The following SLCO5A1 variants were observed in gnomAD, a reference collection of about 807,000 sequenced individuals.
The protein encoded by SLCO5A1 is organic anion transporter polypeptide-related protein 4.
A neutral mutation model predicts 65.1 loss-of-function variants in SLCO5A1; 39 were observed. The ratio of observed to expected loss-of-function variants is 0.60; its 90% CI spans 0.46 to 0.78. The LOEUF (loss-of-function observed/expected upper bound fraction) is 0.78, where lower values mean the gene tolerates loss of function less well. Ranked by LOEUF, SLCO5A1 falls within the 30% of genes least tolerant of loss-of-function variation. The probability of loss-of-function intolerance (pLI) is 0.00; values close to 1 mark genes in which losing one functional copy is unlikely to be tolerated. For synonymous variants in SLCO5A1, 438 were observed against 415.7 expected (o/e 1.05, Z -0.65); for missense variants, 1,029 against 1,069.4 (o/e 0.96, Z 0.53).
At chr8:69,797,877 G>A (rs915387888) in intron 2 of SLCO5A1, among the ~76,000 whole-genome samples, 8 of 152,126 alleles carry the variant, frequency 5.3e-5, no homozygotes, top group Non-Finnish European at 1.2e-4. Flanking sequence ...CATTTGCCTT[G>A]TGATATCTTA....
chr8:69,734,575 C>A (rs772679082), intron 5 of SLCO5A1, among the ~76,000 whole-genome samples: 18 of 152,172 alleles, frequency 1.2e-4, no homozygotes, highest in Non-Finnish European at 2.4e-4. Context: ...ATTTCCCCAG[C>A]CACACACCAG....
intron 3 of SLCO5A1, among the ~76,000 whole-genome samples, chr8:69,758,242 A>AGT (rs1239766264): frequency 6.6e-6 from 1 of 152,096 alleles, no homozygotes; most frequent in Non-Finnish European, 1.5e-5. Context: ...GCTGGAGTGC[A>AGT]GTGGCACGAT....
chr8:69,759,838 G>A (rs1375304803), intron 3 of SLCO5A1, among the ~76,000 whole-genome samples: 2 of 152,078 alleles, frequency 1.3e-5, no homozygotes, highest in Non-Finnish European at 2.9e-5. Context: ...AGTAGAGATG[G>A]AGGCTCGCCA....
At chr8:69,694,080 C>A (rs1814389741) in intron 6 of SLCO5A1, among the ~76,000 whole-genome samples, 1 of 152,176 alleles carries the variant, frequency 6.6e-6, no homozygotes, top group African/African-American at 2.4e-5. Flanking sequence ...GAAAGCCATG[C>A]AGTATTGAGA....
intron 2 of SLCO5A1, among the ~76,000 whole-genome samples, chr8:69,815,940 G>A (rs1216528047): frequency 6.6e-6 from 1 of 152,134 alleles, no homozygotes; most frequent in Non-Finnish European, 1.5e-5. Context: ...GTAGCAATGA[G>A]TAACACACAG....
Position 69,687,485 on chromosome 8 carries a change from C to G in SLCO5A1, c.1623-5142G>C, listed in dbSNP as rs16936301. ...AACTTGAAACTTACATGTAATAACC[C>G]ACAATATGTACAAACTATCTCTTTA... On this transcript the variant is annotated intron_variant, in intron 6 of 9. Coordinates refer to ENST00000260126, the MANE Select transcript of SLCO5A1 (RefSeq NM_030958.3). 0.018 allele frequency among the ~76,000 whole-genome samples: 2,767 copies of G among 152,200 alleles called. 142 individuals are homozygous for G. In the East Asian group the frequency reaches 0.19, roughly 10 times the overall value.
intron 2 of SLCO5A1, among the ~76,000 whole-genome samples, chr8:69,776,525 A>G (rs1033454698): frequency 1.3e-5 from 2 of 152,124 alleles, no homozygotes; most frequent in African/African-American, 2.4e-5. Context: ...ACCCATCTCT[A>G]CAAAAAATAC....
intron 2 of SLCO5A1, among the ~76,000 whole-genome samples, chr8:69,769,999 A>C (rs1818246059): frequency 6.6e-6 from 1 of 152,226 alleles, no homozygotes; most frequent in Admixed American, 6.5e-5. Context: ...AATAGTAATA[A>C]ATATTTCATA....
Position 69,697,936 on chromosome 8 carries a change from G to A in SLCO5A1, c.1622+7095C>T, listed in dbSNP as rs143720337. On this transcript the variant is annotated intron_variant, in intron 6 of 9. Transcript: ENST00000260126. Reference sequence around the variant, plus strand: ...ATACAGGTAAATTATGTGTTAAGCGGGTTTGGTGGACAGATCATTTCATCA... The same window carrying A: ...ATACAGGTAAATTATGTGTTAAGCGAGTTTGGTGGACAGATCATTTCATCA... 4.7e-3 allele frequency among the ~76,000 whole-genome samples: 709 copies of A among 151,126 alleles called. 1 individual carries two copies. The highest frequency in any genetic ancestry group is 7.1e-3 in the Non-Finnish European group (484 of 67,702).
chr8:69,668,582 C>G lies in SLCO5A1; in HGVS notation c.*4287G>C, dbSNP rs955310201. On this transcript the variant is annotated 3_prime_UTR_variant, in exon 10 of 10. Coordinates refer to ENST00000260126, the MANE Select transcript of SLCO5A1 (RefSeq NM_030958.3). ...GGCTTGCCTCCTGCTCCTGGGTGCA[C>G]TAGGGAATTCCCATCAATGCTTCAG... 1 of 152,342 alleles carries G rather than the reference C, an allele frequency of 6.6e-6. No homozygotes were observed. Among genetic ancestry groups the G allele is most frequent in the Non-Finnish European group, 1.5e-5 (1 of 68,034 alleles). 9.4% of individuals were successfully genotyped at this position (152,342 alleles called of 1,614,324 possible).
intron 2 of SLCO5A1, among the ~76,000 whole-genome samples, chr8:69,772,338 T>C (rs756024748): frequency 6.6e-6 from 1 of 151,680 alleles, no homozygotes; most frequent in Admixed American, 6.6e-5. Flanking sequence ...CTGGGCAACA[T>C]AGTGAGACTT....
intron 2 of SLCO5A1, among the ~76,000 whole-genome samples, chr8:69,775,419 A>G (rs1263569351): frequency 6.6e-6 from 1 of 152,166 alleles, no homozygotes; most frequent in Non-Finnish European, 1.5e-5. Context: ...CATATATAAC[A>G]AACCTGCACA....
At chr8:69,703,702 T>C (rs927728911) in intron 6 of SLCO5A1, among the ~76,000 whole-genome samples, 6 of 152,216 alleles carry the variant, frequency 3.9e-5, no homozygotes, top group African/African-American at 1.4e-4. Context: ...AGTGGTGCAC[T>C]GGAGGCAGCC....
chr8:69,759,721 C>G (rs568080624), intron 3 of SLCO5A1, among the ~76,000 whole-genome samples: 1 of 152,318 alleles, frequency 6.6e-6, no homozygotes, highest in African/African-American at 2.4e-5. Flanking sequence ...ACTCAGCTCA[C>G]TGCAACCTCC....
At chr8:69,825,096 C>G (rs1820814562) in intron 2 of SLCO5A1, among the ~76,000 whole-genome samples, 2 of 152,164 alleles carry the variant, frequency 1.3e-5, no homozygotes, top group South Asian at 2.1e-4. Flanking sequence ...GGTAAAAACT[C>G]TCAAAAAATT....
At position 69,699,931 on chromosome 8, in the gene SLCO5A1, C is replaced by A. The variant is rs550867840; in HGVS notation, c.1622+5100G>T. Among the ~76,000 whole-genome samples the A allele has an allele frequency of 9.2e-5, 14 of 152,208 alleles. No homozygotes were observed. The South Asian group carries it at 2.9e-3, about 32-fold the overall frequency. ...CTCAGAAGCTCAAGACCAGCCTGGG[C>A]AACATAGAGTGACCGCATCTCTACA... On this transcript the variant is annotated intron_variant, in intron 6 of 9. Transcript: ENST00000260126.
chr8:69,806,414 C>T (rs563774194), intron 2 of SLCO5A1, among the ~76,000 whole-genome samples: 1 of 152,342 alleles, frequency 6.6e-6, no homozygotes, highest in East Asian at 1.9e-4. Flanking sequence ...CTGCTTCCTG[C>T]TAGGACCCGG....
intron 2 of SLCO5A1, among the ~76,000 whole-genome samples, chr8:69,813,341 T>C (rs886433437): frequency 6.6e-6 from 1 of 152,224 alleles, no homozygotes; most frequent in Non-Finnish European, 1.5e-5. Flanking sequence ...GCTGTACCAT[T>C]CCATTTCAGA....
chr8:69,828,327 G>T (rs989665748), intron 2 of SLCO5A1, among the ~76,000 whole-genome samples: 152 of 152,086 alleles, frequency 1.0e-3, no homozygotes, highest in African/African-American at 1.7e-3. Flanking sequence ...GAAGGGCCGG[G>T]TGCAGTGGCT....
Sources: gnomAD v4.1 joint callset for allele counts (sites outside exome capture counted in the v4.1 genomes callset) on GRCh38, gnomAD v4.1.1 for gene constraint, MANE v1.5 for transcripts, NCBI Gene and HGNC (gene_info 2026-07-23, HGNC 2026-07-21) for gene names.